Variants in DYNC1I1 observed in about 807,000 individuals in gnomAD.
DYNC1I1 encodes the protein cytoplasmic dynein 1 intermediate chain 1.
Under a neutral mutation model 86.6 loss-of-function variants are expected in DYNC1I1, and 43 were observed. The ratio of observed to expected loss-of-function variants is 0.50; its 90% CI spans 0.39 to 0.64. DYNC1I1 has a LOEUF of 0.64. DYNC1I1 is among the 30% of genes least tolerant of loss of function. The pLI is 0.00. For missense variants in DYNC1I1, 604 were observed against 788.8 expected (o/e 0.77, Z 2.81); for synonymous variants, 262 against 283.7 (o/e 0.92, Z 0.77).
At chr7:95,950,592 G>A (rs894023520) in intron 6 of DYNC1I1, among the ~76,000 whole-genome samples, 1 of 152,186 alleles carries the variant, frequency 6.6e-6, no homozygotes, top group African/African-American at 2.4e-5. Context: ...TCCTTGTCCT[G>A]TTCTGACATC....
chr7:95,995,920 A>G, intron 9 of DYNC1I1, 28 bp from the exon 10 acceptor site: 2 of 1,565,744 alleles, frequency 1.3e-6, no homozygotes, highest in Non-Finnish European at 1.7e-6. Context: ...TCTTAGCATA[A>G]TTCATCCTTG....
chr7:95,966,523 C>A (rs1454867711), intron 6 of DYNC1I1, among the ~76,000 whole-genome samples: 1 of 152,152 alleles, frequency 6.6e-6, no homozygotes, highest in Non-Finnish European at 1.5e-5. Flanking sequence ...CTTTTCTCTT[C>A]ATACTGTTCG....
intron 6 of DYNC1I1, 99 bp from the exon 7 acceptor site, chr7:95,977,413 T>A (rs1168399499): frequency 9.8e-7 from 1 of 1,024,990 alleles, no homozygotes; most frequent in Non-Finnish European, 1.4e-6. Flanking sequence ...TTGCCCTAAA[T>A]GATTGGAACT....
intron 14 of DYNC1I1, among the ~76,000 whole-genome samples, chr7:96,065,600 C>G (rs1048976035): frequency 2.0e-5 from 3 of 152,130 alleles, no homozygotes; most frequent in African/African-American, 7.2e-5. Context: ...GTTGCCCAGG[C>G]TGGTCTCAAA....
At chr7:95,995,367 T>C (rs1474867540) in intron 9 of DYNC1I1, among the ~76,000 whole-genome samples, 1 of 152,164 alleles carries the variant, frequency 6.6e-6, no homozygotes, top group African/African-American at 2.4e-5. Context: ...GTAGGTTTCG[T>C]GTGGAAGTCA....
At chr7:95,845,293 A>G (rs998611563) in intron 5 of DYNC1I1, among the ~76,000 whole-genome samples, 4 of 152,238 alleles carry the variant, frequency 2.6e-5, no homozygotes, top group Admixed American at 1.3e-4. Flanking sequence ...AAAACCAACT[A>G]TATAAAGAAA....
At chr7:95,976,164 A>C (rs953827005) in intron 6 of DYNC1I1, among the ~76,000 whole-genome samples, 2 of 152,220 alleles carry the variant, frequency 1.3e-5, no homozygotes, top group Non-Finnish European at 2.9e-5. Context: ...CAGTTCTTTA[A>C]AATGTTTTAC....
At chr7:95,802,087 T>C (rs1794590919) in intron 1 of DYNC1I1, among the ~76,000 whole-genome samples, 1 of 152,072 alleles carries the variant, frequency 6.6e-6, no homozygotes, top group Non-Finnish European at 1.5e-5. Context: ...ACTCTATTCC[T>C]CAACTTCAGT....
chr7:96,040,534 G>A (rs1366736889), intron 14 of DYNC1I1, among the ~76,000 whole-genome samples: 1 of 152,062 alleles, frequency 6.6e-6, no homozygotes, highest in Non-Finnish European at 1.5e-5. Context: ...AGCACTCACT[G>A]CACTGGAGAA....
chr7:95,772,984 C>T (rs1222493833), intron 1 of DYNC1I1, among the ~76,000 whole-genome samples: 2 of 152,194 alleles, frequency 1.3e-5, no homozygotes, highest in Non-Finnish European at 2.9e-5. Flanking sequence ...ACACCCCCCT[C>T]TCGGCAGAGC....
At chr7:95,874,525 A>C (rs974200990) in intron 6 of DYNC1I1, among the ~76,000 whole-genome samples, 60 of 152,252 alleles carry the variant, frequency 3.9e-4, no homozygotes, top group African/African-American at 1.4e-3. Context: ...CCCACAATTC[A>C]TATATTGAAG....
intron 6 of DYNC1I1, among the ~76,000 whole-genome samples, chr7:95,899,707 AACC>A (rs1790983715): frequency 1.3e-5 from 2 of 152,206 alleles, no homozygotes; most frequent in Non-Finnish European, 2.9e-5. Context: ...GTGTGTTAGA[AACC>A]ACCACTTTCA....
intron 10 of DYNC1I1, among the ~76,000 whole-genome samples, chr7:96,027,102 C>T (rs1055675829): frequency 1.3e-5 from 2 of 152,172 alleles, no homozygotes; most frequent in Admixed American, 1.3e-4. Flanking sequence ...CACAAAGGCA[C>T]CGTATGGACT....
At chr7:96,028,940 C>T (rs1008761811) in intron 11 of DYNC1I1, among the ~76,000 whole-genome samples, 1 of 152,140 alleles carries the variant, frequency 6.6e-6, no homozygotes, top group African/African-American at 2.4e-5. Context: ...CAGGTGTGTA[C>T]AGCAATTGTT....
chr7:95,794,770 G>T (rs1376071599), intron 1 of DYNC1I1, among the ~76,000 whole-genome samples: 1 of 152,162 alleles, frequency 6.6e-6, no homozygotes, highest in Non-Finnish European at 1.5e-5. Context: ...ACAATATGTA[G>T]ACACAACAGT....
chr7:96,049,096 A>G (rs1196613724), intron 14 of DYNC1I1, among the ~76,000 whole-genome samples: 2 of 151,934 alleles, frequency 1.3e-5, no homozygotes, highest in Non-Finnish European at 2.9e-5. Flanking sequence ...CGTCTCTACT[A>G]AAAATACAAA....
chr7:95,972,759 G>A (rs1384276982), intron 6 of DYNC1I1, among the ~76,000 whole-genome samples: 1 of 152,158 alleles, frequency 6.6e-6, no homozygotes, highest in African/African-American at 2.4e-5. Context: ...AACTCTTCTG[G>A]AGCTCAGGCA....
intron 6 of DYNC1I1, among the ~76,000 whole-genome samples, chr7:95,957,860 C>T (rs1792759389): frequency 6.6e-6 from 1 of 152,180 alleles, no homozygotes; most frequent in Non-Finnish European, 1.5e-5. Context: ...CACATTTAAA[C>T]TCACAGGAAA....
chr7:96,028,049 C>A, intron 10 of DYNC1I1, 126 bp from the exon 11 acceptor site: 1 of 1,359,520 alleles, frequency 7.4e-7, no homozygotes, highest in Non-Finnish European at 1.0e-6. Flanking sequence ...ACAGTCCCAG[C>A]TTTAAATTAT....
Sources: gnomAD v4.1 joint callset for allele counts (sites outside exome capture counted in the v4.1 genomes callset) on GRCh38, gnomAD v4.1.1 for gene constraint, MANE v1.5 for transcripts, NCBI Gene and HGNC (gene_info 2026-07-23, HGNC 2026-07-21) for gene names.